Variants in NXPH2 observed in about 807,000 individuals in gnomAD.
The protein encoded by NXPH2 is neurexophilin-2.
NXPH2 carries 5 observed loss-of-function variants against 19.8 expected under a neutral mutation model. That is an observed-to-expected ratio of 0.25 (90% CI 0.13 to 0.53). NXPH2 has a LOEUF of 0.53. Ranked by LOEUF, NXPH2 falls within the 20% of genes least tolerant of loss-of-function variation. NXPH2 has a pLI of 0.96. For synonymous variants in NXPH2, 154 were observed against 127.4 expected (o/e 1.21, Z -1.41); for missense variants, 289 against 322.8 (o/e 0.90, Z 0.80).
intron 1 of NXPH2, among the ~76,000 whole-genome samples, chr2:138,709,924 A>ATT (rs1263164136): frequency 6.6e-6 from 1 of 152,184 alleles, no homozygotes; most frequent in Non-Finnish European, 1.5e-5. Flanking sequence ...ACTGAAGGAT[A>ATT]TTTTGGTTGC....
intron 1 of NXPH2, among the ~76,000 whole-genome samples, chr2:138,763,377 A>C (rs1682047298): frequency 6.6e-6 from 1 of 152,202 alleles, no homozygotes; most frequent in Non-Finnish European, 1.5e-5. Flanking sequence ...TTCCTATATT[A>C]ATTAATTATT....
chr2:138,690,145 C>A (rs943369477), intron 1 of NXPH2, among the ~76,000 whole-genome samples: 1 of 152,206 alleles, frequency 6.6e-6, no homozygotes, highest in Non-Finnish European at 1.5e-5. Context: ...TCCTTCCCAC[C>A]TATGCGTCTC....
intron 1 of NXPH2, among the ~76,000 whole-genome samples, chr2:138,735,605 G>A (rs1322987584): frequency 6.6e-6 from 1 of 152,114 alleles, no homozygotes; most frequent in Non-Finnish European, 1.5e-5. Context: ...AAGGGACACA[G>A]CCAAACCATA....
chr2:138,684,386 A>G (rs1033708290), intron 1 of NXPH2, among the ~76,000 whole-genome samples: 1 of 152,190 alleles, frequency 6.6e-6, no homozygotes, highest in Admixed American at 6.5e-5. Context: ...TTCTCATTAT[A>G]AAGTAAAAAG....
rs531122226 is a variant in NXPH2 at position 138,717,990 on chromosome 2, A to G, written c.52-46325T>C. ...AGAAGCTCAAGCAAAGAAATTTCCA[A>G]CAACCAAAACCAAAAATGCCATAAG... On this transcript the variant is annotated intron_variant, in intron 1 of 1. Transcript: ENST00000272641. Among the ~76,000 whole-genome samples the G allele has an allele frequency of 2.6e-5, 4 of 152,244 alleles. No homozygotes were observed. The East Asian group carries it at 5.8e-4, about 22-fold the overall frequency.
intron 1 of NXPH2, among the ~76,000 whole-genome samples, chr2:138,746,928 C>T (rs202158917): frequency 1.3e-5 from 2 of 152,218 alleles, no homozygotes; most frequent in East Asian, 3.9e-4. Flanking sequence ...CAGTGCCTGG[C>T]CCTGATCCTG....
At chr2:138,716,894 G>C (rs1025395962) in intron 1 of NXPH2, among the ~76,000 whole-genome samples, 2 of 152,126 alleles carry the variant, frequency 1.3e-5, no homozygotes, top group African/African-American at 4.8e-5. Context: ...CAATTGGTTG[G>C]TATTTACCAA....
At chr2:138,699,751 G>A (rs1332210789) in intron 1 of NXPH2, among the ~76,000 whole-genome samples, 1 of 152,162 alleles carries the variant, frequency 6.6e-6, no homozygotes, top group African/African-American at 2.4e-5. Flanking sequence ...TTTCCTATTT[G>A]ATCCCAGCCA....
At chr2:138,730,789 C>A (rs1380644930) in intron 1 of NXPH2, among the ~76,000 whole-genome samples, 1 of 152,182 alleles carries the variant, frequency 6.6e-6, no homozygotes, top group Non-Finnish European at 1.5e-5. Context: ...AGCCATTTCT[C>A]TTGCATTCTG....
chr2:138,678,386 T>C (rs538824636), intron 1 of NXPH2, among the ~76,000 whole-genome samples: 7 of 152,320 alleles, frequency 4.6e-5, no homozygotes, highest in African/African-American at 1.7e-4. Context: ...CAAATGTATC[T>C]TTTTAAGGTT....
intron 1 of NXPH2, among the ~76,000 whole-genome samples, chr2:138,719,216 G>A (rs1326355364): frequency 2.6e-5 from 4 of 151,842 alleles, no homozygotes; most frequent in African/African-American, 7.3e-5. Flanking sequence ...ATATTTTTGT[G>A]GAAGATTATC....
At chr2:138,743,256 A>G (rs1233043544) in intron 1 of NXPH2, among the ~76,000 whole-genome samples, 1 of 128,924 alleles carries the variant, frequency 7.8e-6, no homozygotes, top group African/African-American at 2.5e-5. Flanking sequence ...GATCCACCTT[A>G]GTAAAAAAAA....
intron 1 of NXPH2, among the ~76,000 whole-genome samples, chr2:138,751,967 C>T (rs1171165869): frequency 6.6e-6 from 1 of 152,004 alleles, no homozygotes; most frequent in East Asian, 1.9e-4. Context: ...ATTTGAGATG[C>T]TTAAATTACT....
chr2:138,688,850 T>G (rs1239662738), intron 1 of NXPH2, among the ~76,000 whole-genome samples: 1 of 152,058 alleles, frequency 6.6e-6, no homozygotes, highest in East Asian at 1.9e-4. Context: ...CGGCCGAAAC[T>G]GCCTTTATAC....
intron 1 of NXPH2, among the ~76,000 whole-genome samples, chr2:138,750,038 A>G (rs1681803105): frequency 6.6e-6 from 1 of 152,182 alleles, no homozygotes; most frequent in African/African-American, 2.4e-5. Context: ...AAGACATTTC[A>G]ATTTAAACAT....
At chr2:138,759,720 C>A (rs957778576) in intron 1 of NXPH2, among the ~76,000 whole-genome samples, 3 of 147,786 alleles carry the variant, frequency 2.0e-5, no homozygotes, top group Non-Finnish European at 1.5e-5. Context: ...CCACAGGCTC[C>A]TATGCCACCT....
chr2:138,736,193 ACT>A (rs1491487080), intron 1 of NXPH2, among the ~76,000 whole-genome samples: 1 of 151,770 alleles, frequency 6.6e-6, no homozygotes, highest in Non-Finnish European at 1.5e-5. Flanking sequence ...CCCAGTTGGG[ACT>A]CTGTGTGGGG....
At chr2:138,671,749 T>C in intron 1 of NXPH2, 84 bp from the exon 2 acceptor site, 32 of 1,293,104 alleles carry the variant, frequency 2.5e-5, no homozygotes, top group Non-Finnish European at 3.2e-5. Flanking sequence ...GCAAGGGAAA[T>C]TATTTCAACA....
intron 1 of NXPH2, among the ~76,000 whole-genome samples, chr2:138,698,551 T>C (rs966297387): frequency 2.6e-5 from 4 of 152,086 alleles, no homozygotes; most frequent in Non-Finnish European, 4.4e-5. Context: ...TTCAGGTAAC[T>C]TGCTATTTAA....
Sources: gnomAD v4.1 joint callset for allele counts (sites outside exome capture counted in the v4.1 genomes callset) on GRCh38, gnomAD v4.1.1 for gene constraint, MANE v1.5 for transcripts, NCBI Gene and HGNC (gene_info 2026-07-23, HGNC 2026-07-21) for gene names.